The following CACNA2D3 variants were observed in gnomAD, a reference collection of about 807,000 sequenced individuals.
CACNA2D3 encodes voltage-dependent calcium channel subunit alpha-2/delta-3.
Under a neutral mutation model 160.6 loss-of-function variants are expected in CACNA2D3, and 60 were observed. That is an observed-to-expected ratio of 0.37 (90% CI 0.30 to 0.46). The LOEUF is 0.46. CACNA2D3 is among the 20% of genes least tolerant of loss of function. The probability of loss-of-function intolerance (pLI) is 1.00; values close to 1 mark genes in which losing one functional copy is unlikely to be tolerated. For synonymous variants in CACNA2D3, 558 were observed against 492.9 expected, an observed-to-expected ratio of 1.13 and a Z score of -1.75; for missense variants, 1,205 against 1,365.0, an observed-to-expected ratio of 0.88 and a Z score of 1.85.
chr3:54,187,127 G>C (rs943121850), intron 2 of CACNA2D3, among the ~76,000 whole-genome samples: 3 of 152,220 alleles, frequency 2.0e-5, no homozygotes, highest in Non-Finnish European at 4.4e-5. Flanking sequence ...CTTGCAGGGA[G>C]AGCAGGTCCT....
rs79068140 is a variant in CACNA2D3, at chr3:54,904,257, G to A, written c.2449+4389G>A. The stretch of plus-strand genomic sequence containing the variant: ...GGTGATTCTTTACTTTGTTCTCCCT[G>A]GAGAGACCTGGCCCACTAGTCCAGC... On this transcript the variant is annotated intron_variant, in intron 27 of 37. Transcript: ENST00000474759. Among the ~76,000 whole-genome samples, 919 of 152,248 alleles carry A rather than the reference G, an allele frequency of 6.0e-3. 11 individuals are homozygous for A. Among genetic ancestry groups the A allele is most frequent in the African/African-American group, 0.021 (873 of 41,544 alleles).
intron 4 of CACNA2D3, among the ~76,000 whole-genome samples, chr3:54,422,243 A>G (rs888485009): frequency 1.3e-5 from 2 of 152,200 alleles, no homozygotes; most frequent in African/African-American, 4.8e-5. Context: ...ATGTGCTGTG[A>G]CACTAAAGAT....
At chr3:54,819,522 A>G (rs1384260545) in intron 14 of CACNA2D3, among the ~76,000 whole-genome samples, 1 of 152,138 alleles carries the variant, frequency 6.6e-6, no homozygotes, top group Admixed American at 6.5e-5. Context: ...AGAGCCCAGC[A>G]GGTATGGGTG....
At chr3:54,284,564 A>G (rs1417721333) in intron 2 of CACNA2D3, among the ~76,000 whole-genome samples, 3 of 152,192 alleles carry the variant, frequency 2.0e-5, no homozygotes, top group Non-Finnish European at 4.4e-5. Flanking sequence ...AAATCGTATT[A>G]AAATGTCTTA....
At chr3:54,871,204 C>CACACACAGAG (rs1553897832) in intron 17 of CACNA2D3, among the ~76,000 whole-genome samples, 40 of 145,928 alleles carry the variant, frequency 2.7e-4, no homozygotes, top group African/African-American at 9.6e-4. Flanking sequence ...CACACACACA[C>CACACACAGAG]ACACACACAC....
chr3:54,624,357 T>C (rs1171440083), intron 9 of CACNA2D3, among the ~76,000 whole-genome samples: 1 of 152,214 alleles, frequency 6.6e-6, no homozygotes, highest in Non-Finnish European at 1.5e-5. Context: ...GCCCGGTGGC[T>C]CATGCCTGTA....
chr3:54,990,902 G>A (rs1034658366), intron 31 of CACNA2D3, among the ~76,000 whole-genome samples: 2 of 152,190 alleles, frequency 1.3e-5, no homozygotes, highest in East Asian at 1.9e-4. Context: ...TCACAGCAGC[G>A]TGTGAAACAA....
chr3:54,727,458 A>G lies in CACNA2D3; in HGVS notation c.1168-25141A>G, dbSNP rs1377122337. Among the ~76,000 whole-genome samples the G allele has an allele frequency of 2.0e-5, 3 of 152,204 alleles. No individual in the cohort carries two copies. In the East Asian group the frequency reaches 5.8e-4, roughly 29 times the overall value. On this transcript the variant is annotated intron_variant, in intron 11 of 37. Coordinates refer to ENST00000474759, the MANE Select transcript of CACNA2D3 (RefSeq NM_018398.3). ...TTCTGCTATAAAGACACATGCACACATATGTTTATTGCAGCACTATTCACA... is the reference window on the plus strand; with the variant it reads ...TTCTGCTATAAAGACACATGCACACGTATGTTTATTGCAGCACTATTCACA...
intron 2 of CACNA2D3, among the ~76,000 whole-genome samples, chr3:54,206,511 T>G (rs980667283): frequency 6.6e-6 from 1 of 152,134 alleles, no homozygotes; most frequent in Admixed American, 6.5e-5. Context: ...TCACACGCAT[T>G]CTCCTGAGGC....
intron 31 of CACNA2D3, among the ~76,000 whole-genome samples, chr3:54,988,820 AAAG>A (rs1307260350): frequency 6.6e-6 from 1 of 152,220 alleles, no homozygotes; most frequent in East Asian, 1.9e-4. Flanking sequence ...AAGAAAAAAA[AAAG>A]AAATGATATA....
chr3:54,439,432 A>G (rs796608031), intron 4 of CACNA2D3, among the ~76,000 whole-genome samples: 1 of 152,124 alleles, frequency 6.6e-6, no homozygotes, highest in African/African-American at 2.4e-5. Context: ...GTTCTTAGCA[A>G]CCAAGGCAGT....
At chr3:54,926,249 T>C (rs1701013714) in intron 27 of CACNA2D3, among the ~76,000 whole-genome samples, 1 of 152,188 alleles carries the variant, frequency 6.6e-6, no homozygotes, top group South Asian at 2.1e-4. Context: ...TTTATAAATA[T>C]GTATATTAAT....
chr3:54,916,836 G>C (rs2106918390), intron 27 of CACNA2D3, among the ~76,000 whole-genome samples: 1 of 152,334 alleles, frequency 6.6e-6, no homozygotes, highest in East Asian at 1.9e-4. Flanking sequence ...TGAATGTAGA[G>C]CCAGTACCCT....
chr3:54,643,338 C>T (rs1309382273), intron 11 of CACNA2D3, among the ~76,000 whole-genome samples: 1 of 152,184 alleles, frequency 6.6e-6, no homozygotes, highest in African/African-American at 2.4e-5. Flanking sequence ...CCACACCTAT[C>T]ACTGCCATCT....
chr3:54,908,554 A>G (rs181703325), intron 27 of CACNA2D3, among the ~76,000 whole-genome samples: 1 of 152,238 alleles, frequency 6.6e-6, no homozygotes, highest in African/African-American at 2.4e-5. Context: ...CACCTCTACA[A>G]AAAAATACAG....
chr3:54,821,648 C>CTTTCTT (rs1553873551), intron 14 of CACNA2D3, among the ~76,000 whole-genome samples: 48 of 45,612 alleles, frequency 1.1e-3, no homozygotes, highest in Admixed American at 4.8e-3. Flanking sequence ...TTCGTTCTTT[C>CTTTCTT]TTTCTTTCTT....
At chr3:54,301,406 A>G (rs188493159) in intron 2 of CACNA2D3, among the ~76,000 whole-genome samples, 119 of 152,276 alleles carry the variant, frequency 7.8e-4, no homozygotes, top group Admixed American at 5.2e-4. Flanking sequence ...TGAGATGGCA[A>G]TGACCTATGA....
intron 5 of CACNA2D3, among the ~76,000 whole-genome samples, chr3:54,519,660 T>G (rs1488963281): frequency 6.6e-6 from 1 of 152,246 alleles, no homozygotes; most frequent in Non-Finnish European, 1.5e-5. Context: ...TAATATACTT[T>G]CAGCTTGTGC....
intron 4 of CACNA2D3, among the ~76,000 whole-genome samples, chr3:54,425,730 C>G (rs983485382): frequency 5.9e-5 from 9 of 152,360 alleles, no homozygotes; most frequent in African/African-American, 1.9e-4. Flanking sequence ...TGAACCAGCA[C>G]TGAGTTCCAG....
Sources: gnomAD v4.1 joint callset for allele counts (sites outside exome capture counted in the v4.1 genomes callset) on GRCh38, gnomAD v4.1.1 for gene constraint, MANE v1.5 for transcripts, NCBI Gene and HGNC (gene_info 2026-07-23, HGNC 2026-07-21) for gene names.